The following PAPSS1 variants were observed in gnomAD, a reference collection of about 807,000 sequenced individuals.
The protein encoded by PAPSS1 is bifunctional 3'-phosphoadenosine 5'-phosphosulfate synthase 1.
In PAPSS1, 50 loss-of-function variants were observed where a neutral mutation model predicts 72.0. The observed-to-expected ratio is 0.69, with a 90% CI of 0.55 to 0.88. The LOEUF (loss-of-function observed/expected upper bound fraction) is 0.88. PAPSS1 is among the 40% of genes least tolerant of loss of function. The pLI, the probability that PAPSS1 is intolerant of heterozygous loss-of-function variation, is 0.00. For synonymous variants in PAPSS1, 261 were observed against 263.6 expected (o/e 0.99, Z 0.09); for missense variants, 657 against 782.2 (o/e 0.84, Z 1.91).
At chr4:107,711,548 C>T (rs761291039) in intron 1 of PAPSS1, among the ~76,000 whole-genome samples, 2 of 152,314 alleles carry the variant, frequency 1.3e-5, no homozygotes, top group East Asian at 1.9e-4. Flanking sequence ...ATACCAAATA[C>T]TAAGCATAAT....
intron 11 of PAPSS1, among the ~76,000 whole-genome samples, chr4:107,621,672 G>A (rs112942376): frequency 0.26 from 34,105 of 133,470 alleles, 4,660 homozygotes; most frequent in Middle Eastern, 0.38. Flanking sequence ...CCAGGCTGGA[G>A]TGCAGTGGCA....
intron 3 of PAPSS1, among the ~76,000 whole-genome samples, chr4:107,691,423 CT>C (rs963638932): frequency 2.0e-5 from 3 of 152,146 alleles, no homozygotes; most frequent in African/African-American, 7.2e-5. Context: ...ATTTCAGCCC[CT>C]TTGTTTCCAA....
chr4:107,621,022 G>A (rs940161511), intron 11 of PAPSS1, among the ~76,000 whole-genome samples: 1 of 152,172 alleles, frequency 6.6e-6, no homozygotes, highest in Admixed American at 6.5e-5. Flanking sequence ...ATCATGGCCA[G>A]ATCTCAGTGG....
chr4:107,645,226 C>T (rs1333624610), intron 9 of PAPSS1, among the ~76,000 whole-genome samples, 156 bp from the exon 10 acceptor site: 2 of 146,070 alleles, frequency 1.4e-5, no homozygotes, highest in Non-Finnish European at 3.0e-5. Context: ...AAAAAAAGTA[C>T]TGCTTTGACC....
intron 11 of PAPSS1, among the ~76,000 whole-genome samples, chr4:107,631,371 C>T (rs1372557955): frequency 6.6e-6 from 1 of 152,204 alleles, no homozygotes; most frequent in Admixed American, 6.5e-5. Context: ...TAAGCTATAG[C>T]AGACACAGTA....
intron 5 of PAPSS1, 38 bp from the exon 6 acceptor site, chr4:107,660,110 C>A: frequency 9.1e-7 from 1 of 1,094,178 alleles, no homozygotes; most frequent in Non-Finnish European, 1.3e-6. Context: ...ATGTTTGATT[C>A]AAGAATTTAG....
intron 6 of PAPSS1, 41 bp downstream of exon 6, chr4:107,659,918 A>C: frequency 9.2e-7 from 1 of 1,084,666 alleles, no homozygotes; most frequent in Non-Finnish European, 1.4e-6. Context: ...TACTGTATAT[A>C]AGGCTGTATC....
chr4:107,625,342 A>C (rs887026704), intron 11 of PAPSS1, among the ~76,000 whole-genome samples: 12 of 152,178 alleles, frequency 7.9e-5, no homozygotes, highest in African/African-American at 2.9e-4. Context: ...GCCCTAAGCT[A>C]ATCACTCAAA....
chr4:107,616,481 G>C (rs1725827172), intron 11 of PAPSS1, among the ~76,000 whole-genome samples: 1 of 152,074 alleles, frequency 6.6e-6, no homozygotes, highest in African/African-American at 2.4e-5. Context: ...AATATTAACT[G>C]ACCAGTGATA....
chr4:107,685,030 T>C (rs746479525), intron 4 of PAPSS1, among the ~76,000 whole-genome samples: 13 of 152,288 alleles, frequency 8.5e-5, no homozygotes, highest in Non-Finnish European at 1.3e-4. Flanking sequence ...CTCAGCCTCC[T>C]GAGTAGCTGG....
chr4:107,615,219 C>T (rs1228527011), intron 11 of PAPSS1, among the ~76,000 whole-genome samples: 1 of 152,080 alleles, frequency 6.6e-6, no homozygotes, highest in Non-Finnish European at 1.5e-5. Context: ...AACCAGTAAG[C>T]ACAGAGCACG....
At chr4:107,719,978 G>T in intron 1 of PAPSS1, 142 bp downstream of exon 1, 1 of 1,441,564 alleles carries the variant, frequency 6.9e-7, no homozygotes, top group Non-Finnish European at 9.1e-7. Context: ...GCCCCAGCCG[G>T]GAGGCGCCGC....
chr4:107,656,365 C>T (rs1727010036), intron 7 of PAPSS1, among the ~76,000 whole-genome samples: 1 of 152,198 alleles, frequency 6.6e-6, no homozygotes, highest in Non-Finnish European at 1.5e-5. Context: ...ATCCACTTCC[C>T]TCAGCCTCCC....
At chr4:107,711,664 T>A (rs1378837935) in intron 1 of PAPSS1, among the ~76,000 whole-genome samples, 3 of 152,210 alleles carry the variant, frequency 2.0e-5, no homozygotes, top group Non-Finnish European at 4.4e-5. Flanking sequence ...ACATTTCTTT[T>A]ATGTCCCTAG....
intron 5 of PAPSS1, among the ~76,000 whole-genome samples, chr4:107,677,509 T>C (rs1727685671): frequency 6.6e-6 from 1 of 152,138 alleles, no homozygotes; most frequent in Admixed American, 6.5e-5. Flanking sequence ...CCAGTTAGAA[T>C]GGCGATCATT....
chr4:107,702,590 T>C (rs1421937310), intron 1 of PAPSS1, among the ~76,000 whole-genome samples: 1 of 152,210 alleles, frequency 6.6e-6, no homozygotes, highest in South Asian at 2.1e-4. Flanking sequence ...AGATTCCACA[T>C]GTAAGTGAGA....
intron 5 of PAPSS1, among the ~76,000 whole-genome samples, chr4:107,666,758 T>C (rs1302640211): frequency 6.6e-6 from 1 of 152,202 alleles, no homozygotes; most frequent in Admixed American, 6.5e-5. Context: ...AAGCAAACTC[T>C]ACTTACCACT....
At chr4:107,701,404 A>C in intron 1 of PAPSS1, 119 bp from the exon 2 acceptor site, 2 of 640,078 alleles carry the variant, frequency 3.1e-6, no homozygotes, top group African/African-American at 1.9e-5. Flanking sequence ...AAAAGATAAA[A>C]CAGTTTTTTT....
chr4:107,626,429 G>T (rs977725682), intron 11 of PAPSS1, among the ~76,000 whole-genome samples: 5 of 152,078 alleles, frequency 3.3e-5, no homozygotes, highest in Non-Finnish European at 7.4e-5. Flanking sequence ...ATACAAATAA[G>T]ATAACTGAAT....
Sources: gnomAD v4.1 joint callset for allele counts (sites outside exome capture counted in the v4.1 genomes callset) on GRCh38, gnomAD v4.1.1 for gene constraint, MANE v1.5 for transcripts, NCBI Gene and HGNC (gene_info 2026-07-23, HGNC 2026-07-21) for gene names.